The following APC variants were observed in gnomAD, a reference collection of about 807,000 sequenced individuals.
APC encodes the protein APC regulator of Wnt signaling pathway.
Under a neutral mutation model 247.0 loss-of-function variants are expected in APC, and 72 were observed. The ratio of observed to expected loss-of-function variants is 0.29; its 90% confidence interval spans 0.24 to 0.35. The LOEUF is 0.35. Ranked by LOEUF, APC falls within the 10% of genes least tolerant of loss-of-function variation. The probability of loss-of-function intolerance (pLI) is 1.00; values close to 1 mark genes in which losing one functional copy is unlikely to be tolerated. For synonymous variants in APC, 1,254 were observed against 1,162.5 expected (o/e 1.08, Z -1.60); for missense variants, 3,400 against 3,360.7 (o/e 1.01, Z -0.29).
chr5:112,723,582 G>C (rs1751603566), intron 1 of APC, among the ~76,000 whole-genome samples: 1 of 152,156 alleles, frequency 6.6e-6, no homozygotes, highest in African/African-American at 2.4e-5. Flanking sequence ...AACATGAAGA[G>C]AATAGTAGTT....
chr5:112,740,297 G>C (rs1581069397), intron 1 of APC, among the ~76,000 whole-genome samples: 1 of 152,088 alleles, frequency 6.6e-6, no homozygotes, highest in South Asian at 2.1e-4. Flanking sequence ...GTTAGATTGA[G>C]ATGTTTTTCT....
intron 15 of APC, 90 bp from the exon 16 acceptor site, chr5:112,837,463 A>G (rs1222592102): frequency 1.7e-5 from 15 of 897,570 alleles, no homozygotes; most frequent in Non-Finnish European, 2.7e-5. Flanking sequence ...TGGTACAATC[A>G]TATTATGCCT....
At chr5:112,832,005 CT>C (rs887431176) in intron 14 of APC, among the ~76,000 whole-genome samples, 1 of 152,160 alleles carries the variant, frequency 6.6e-6, no homozygotes, top group African/African-American at 2.4e-5. Flanking sequence ...TGACACAACC[CT>C]TCTCCTTGAT....
chr5:112,761,486 A>G (rs750404843), intron 2 of APC, among the ~76,000 whole-genome samples: 1 of 152,230 alleles, frequency 6.6e-6, no homozygotes, highest in Non-Finnish European at 1.5e-5. Context: ...TATATTTGAA[A>G]TTAACATTGG....
At chr5:112,712,083 C>G (rs1006790393) in intron 1 of APC, among the ~76,000 whole-genome samples, 1 of 152,196 alleles carries the variant, frequency 6.6e-6, no homozygotes, top group Non-Finnish European at 1.5e-5. Context: ...GTGGCTTAGC[C>G]AGTGGAGTGA....
chr5:112,777,444 TGAAG>T (rs2149624564), intron 5 of APC, among the ~76,000 whole-genome samples: 2 of 152,316 alleles, frequency 1.3e-5, no homozygotes, highest in South Asian at 4.1e-4. Context: ...TTCTTTCTGA[TGAAG>T]GAAGCAACTA....
intron 8 of APC, chr5:112,810,187 GATCCCTA>G (rs1271810420): frequency 1.3e-5 from 6 of 455,228 alleles, no homozygotes; most frequent in South Asian, 9.3e-5. Context: ...GAGAGTTGAA[GATCCCTA>G]AGATCAAAGA....
rs2149888413 is a variant in APC, at chr5:112,838,863, A to T, written c.3269A>T (p.Gln1090Leu). 1 of 1,614,176 alleles carries T rather than the reference A, an allele frequency of 6.2e-7. No individual in the cohort carries two copies. The highest frequency in any genetic ancestry group is 8.5e-7 in the Non-Finnish European group (1 of 1,180,034). ...ACTGATGATAAACACCTCAAGTTCC[A>T]ACCACATTTTGGACAGCAGGAATGT... ...ESTDDKHLKF[Q>L]PHFGQQECVS... is the part of the protein sequence containing the mutation. Residue 1090 changes from glutamine (Q) to leucine (L), a missense_variant, in exon 16 of 16, where the codon CAA (glutamine) becomes CTA (leucine). Gln to Leu is a moderately radical substitution (Grantham distance 113, BLOSUM62 -2). This residue lies in a region of APC where 715 missense variants were observed against 656.6 expected (regional missense o/e 1.09). Transcript: ENST00000257430.
chr5:112,785,218 T>C (rs1199716227), intron 6 of APC, among the ~76,000 whole-genome samples: 1 of 152,212 alleles, frequency 6.6e-6, no homozygotes, highest in East Asian at 1.9e-4. Flanking sequence ...ACACTATTTT[T>C]GAACTAGAAA....
At chr5:112,791,738 A>G (rs566213218) in intron 6 of APC, among the ~76,000 whole-genome samples, 12 of 152,312 alleles carry the variant, frequency 7.9e-5, no homozygotes, top group South Asian at 6.2e-4. Flanking sequence ...TAAATTTATT[A>G]TATTGTATTA....
intron 9 of APC, 112 bp from the exon 10 acceptor site, chr5:112,818,854 G>GGGGTGTTTTGTTTTTTTTGA: frequency 2.7e-6 from 3 of 1,102,880 alleles, no homozygotes; most frequent in Non-Finnish European, 2.6e-6. Flanking sequence ...TGGCGGGGGG[G>GGGGTGTTTTGTTTTTTTTGA]GTTGTTTTGT....
intron 8 of APC, among the ~76,000 whole-genome samples, chr5:112,808,235 A>G (rs1486450134): frequency 6.6e-6 from 1 of 152,206 alleles, no homozygotes; most frequent in Non-Finnish European, 1.5e-5. Context: ...ATTGTTTAAT[A>G]GCATCATTTA....
Position 112,775,494 on chromosome 5 carries a change from T to A in APC, c.423-135T>A, listed in dbSNP as rs569710893. The A allele has an allele frequency of 2.0e-4, 113 of 567,148 alleles. No individual in the cohort carries two copies. In the African/African-American group the frequency reaches 2.0e-3, roughly 10 times the overall value. 35.1% of individuals were successfully genotyped at this position (567,148 alleles called of 1,614,324 possible). ...TCCTACCTTTAAAAATTGAAATCAA[T>A]GTAAATTTTTTGAGTAATTCATTAT... is the stretch of plus-strand genomic sequence containing the variant. On this transcript the variant is annotated intron_variant, in intron 4 of 15. Coordinates refer to ENST00000257430, the MANE Select transcript of APC (RefSeq NM_000038.6).
chr5:112,788,696 A>T (rs985209409), intron 6 of APC, among the ~76,000 whole-genome samples: 6 of 152,216 alleles, frequency 3.9e-5, no homozygotes, highest in Non-Finnish European at 7.4e-5. Flanking sequence ...CATATCATTT[A>T]AAAAAGTTAT....
chr5:112,805,703 A>G (rs545711562), intron 8 of APC, among the ~76,000 whole-genome samples: 34 of 152,254 alleles, frequency 2.2e-4, no homozygotes, highest in African/African-American at 6.7e-4. Flanking sequence ...GTTTTGTTTT[A>G]TTATTTGCTC....
At chr5:112,804,406 C>CA (rs1172238082) in intron 8 of APC, among the ~76,000 whole-genome samples, 2 of 151,842 alleles carry the variant, frequency 1.3e-5, no homozygotes, top group East Asian at 3.9e-4. Context: ...TTTTTGGAGA[C>CA]AGAGTCTCGC....
At chr5:112,774,382 C>G (rs1757372229) in intron 4 of APC, among the ~76,000 whole-genome samples, 2 of 151,690 alleles carry the variant, frequency 1.3e-5, no homozygotes, top group African/African-American at 4.8e-5. Flanking sequence ...TAGAAATATT[C>G]CAAAATCCAA....
chr5:112,781,025 A>T (rs79741137), intron 6 of APC, 122 bp downstream of exon 6: 1 of 739,072 alleles, frequency 1.4e-6, no homozygotes, highest in African/African-American at 1.7e-5. Context: ...TTTTGGCTCT[A>T]TTTCAAAATA....
At chr5:112,761,519 C>A (rs1270288886) in intron 2 of APC, among the ~76,000 whole-genome samples, 2 of 152,066 alleles carry the variant, frequency 1.3e-5, no homozygotes, top group East Asian at 3.9e-4. Flanking sequence ...GCAGGCTGAA[C>A]ACTGAATTAG....
Sources: gnomAD v4.1 joint callset for allele counts (sites outside exome capture counted in the v4.1 genomes callset) on GRCh38, gnomAD v4.1.1 for gene constraint, gnomAD v4.1.1 regional missense constraint, MANE v1.5 for transcripts, NCBI Gene and HGNC (gene_info 2026-07-23, HGNC 2026-07-21) for gene names.